SETD5: variants seen among roughly 807,000 people sequenced by gnomAD.
SETD5 encodes histone-lysine N-methyltransferase SETD5.
A neutral mutation model predicts 153.3 loss-of-function variants in SETD5; 44 were observed. The ratio of observed to expected loss-of-function variants is 0.29; its 90% CI spans 0.23 to 0.37. The LOEUF is 0.37. SETD5 is among the 10% of genes least tolerant of loss of function. The pLI, the probability that SETD5 is intolerant of heterozygous loss-of-function variation, is 1.00. For missense variants in SETD5, 1,544 were observed against 1,768.0 expected (o/e 0.87, Z 2.27); for synonymous variants, 716 against 645.2 (o/e 1.11, Z -1.66).
intron 3 of SETD5, chr3:9,430,047 G>A: frequency 1.8e-6 from 2 of 1,094,840 alleles, no homozygotes; most frequent in Non-Finnish European, 2.3e-6. Context: ...CACTTCTTGA[G>A]TGAGGTGGGT....
rs1490676196 is a variant in SETD5 at position 9,453,785 on chromosome 3, C to T, written c.2393C>T (p.Ser798Phe). ...GAAGAAGGGATGACTCAAACATCAT[C>T]TGTACCCCAAGAGACTAGAACTCAG... ...ALEEGMTQTS[S>F]VPQETRTQHL... The change falls in exon 17 of 23, where the codon TCT (serine) becomes TTT (phenylalanine). Residue 798 changes from serine to phenylalanine, a missense_variant. By Grantham distance (155) the Ser-to-Phe change is radical (BLOSUM62 -2). This residue lies in a region of SETD5 where 782 missense variants were observed against 787.2 expected (regional missense o/e 0.99). Coordinates refer to ENST00000402198, the MANE Select transcript of SETD5 (RefSeq NM_001080517.3). The T allele has an allele frequency of 1.2e-6, 2 of 1,608,610 alleles. No homozygotes were observed. The highest frequency in any genetic ancestry group is 8.5e-7 in the Non-Finnish European group (1 of 1,178,532).
intron 19 of SETD5, among the ~76,000 whole-genome samples, chr3:9,472,458 GC>G (rs1303239789): frequency 6.6e-6 from 1 of 152,138 alleles, no homozygotes; most frequent in Admixed American, 6.5e-5. Context: ...GAAAGAATGA[GC>G]AAGCATTAGG....
intron 17 of SETD5, among the ~76,000 whole-genome samples, chr3:9,458,288 A>C (rs2043508372): frequency 6.6e-6 from 1 of 152,082 alleles, no homozygotes; most frequent in African/African-American, 2.4e-5. Context: ...TGCCAAAGAA[A>C]ATTCTAGGCA....
intron 1 of SETD5, among the ~76,000 whole-genome samples, chr3:9,402,409 A>G (rs2034931614): frequency 6.6e-6 from 1 of 152,108 alleles, no homozygotes; most frequent in African/African-American, 2.4e-5. Flanking sequence ...CATCATATTG[A>G]TTTTGTTTGC....
chr3:9,447,237 T>C lies in SETD5; in HGVS notation c.1712T>C (p.Val571Ala), dbSNP rs766505970. 8 of 1,613,908 alleles carry C rather than the reference T, an allele frequency of 5.0e-6. No individual in the cohort carries two copies. The Admixed American group carries it at 1.3e-4, about 27-fold the overall frequency. ...EAPESEVSNS[V>A]SNVTIPSTPQ... ...CCTGAATCTGAAGTTAGCAACTCTG[T>C]TTCAAATGTTACCATCCCAAGCACC... Residue 571 changes from valine (V) to alanine (A), a missense_variant, in exon 14 of 23, where the codon GTT becomes GCT. This residue lies in a region of SETD5 where 782 missense variants were observed against 787.2 expected (regional missense o/e 0.99). Transcript: ENST00000402198.
chr3:9,460,682 A>T (rs945222385), intron 17 of SETD5, among the ~76,000 whole-genome samples: 1 of 152,170 alleles, frequency 6.6e-6, no homozygotes, highest in Non-Finnish European at 1.5e-5. Context: ...TTTCAAATTA[A>T]TAGGGAAATT....
intron 11 of SETD5, among the ~76,000 whole-genome samples, chr3:9,444,477 A>C (rs1452106985): frequency 6.6e-6 from 1 of 152,186 alleles, no homozygotes. Context: ...TTTATCATTG[A>C]TAAACTGCCT....
intron 16 of SETD5, among the ~76,000 whole-genome samples, chr3:9,452,151 T>A (rs1177904606): frequency 6.6e-6 from 1 of 152,226 alleles, no homozygotes; most frequent in Non-Finnish European, 1.5e-5. Context: ...TCTGATTTTA[T>A]GTTCCCTTTT....
intron 2 of SETD5, among the ~76,000 whole-genome samples, chr3:9,428,083 T>C (rs1218065210): frequency 2.0e-5 from 3 of 152,100 alleles, no homozygotes; most frequent in Non-Finnish European, 4.4e-5. Flanking sequence ...CAGTTTTAGG[T>C]TCACAGGAAA....
At chr3:9,454,758 G>A (rs892649638) in intron 17 of SETD5, among the ~76,000 whole-genome samples, 8 of 151,358 alleles carry the variant, frequency 5.3e-5, no homozygotes, top group African/African-American at 1.9e-4. Context: ...TGCAAAGGAT[G>A]TAATTGAAAG....
chr3:9,416,348 T>C (rs1475230270), intron 1 of SETD5, among the ~76,000 whole-genome samples: 1 of 152,202 alleles, frequency 6.6e-6, no homozygotes, highest in Non-Finnish European at 1.5e-5. Context: ...GTCTGCCTGC[T>C]TTGGGGTGTT....
chr3:9,475,939 A>G lies in SETD5; in HGVS notation c.4177A>G (p.Ser1393Gly). 1.2e-6 allele frequency: 2 copies of G among 1,613,990 alleles called. No homozygotes were observed. The highest frequency in any genetic ancestry group is 1.3e-5 in the African/African-American group (1 of 75,028). ...PSDLRTISLPSAGQSAVYQAS... is the reference protein window; with the variant it reads ...PSDLRTISLPGAGQSAVYQAS... The stretch of plus-strand genomic sequence containing the variant: ...AGACTTACGGACTATCAGTCTGCCC[A>G]GTGCTGGGCAGTCAGCTGTCTACCA... The change falls in exon 23 of 23, where the codon AGT becomes GGT. Residue 1393 changes from serine to glycine, a missense_variant. Around this residue, in one of 9 missense-constraint regions of SETD5, gnomAD observed 302 missense variants for 277.6 expected, o/e 1.09. Transcript: ENST00000402198.
chr3:9,420,359 GTT>G (rs533416624), intron 1 of SETD5, among the ~76,000 whole-genome samples: 114 of 152,182 alleles, frequency 7.5e-4, no homozygotes, highest in African/African-American at 2.6e-3. Flanking sequence ...TAATTATGAA[GTT>G]TTTTACGGAG....
Position 9,447,988 on chromosome 3 carries a change from A to G in SETD5, c.2085A>G (p.Lys695=). The change falls in exon 15 of 23, where the codon AAA becomes AAG. Residue 695 remains lysine, a synonymous_variant. Transcript: ENST00000402198. ...CCCATGTCAACCGTGCTGCATCTAA[A>G]TACCCCAAAACCAAAAAGGTAAGTC... The part of the protein sequence containing the change: ...TGSHVNRAAS[K]YPKTKKYLVT... 1.2e-6 allele frequency: 2 copies of G among 1,612,852 alleles called. No individual in the cohort carries two copies. Among genetic ancestry groups the G allele is most frequent in the East Asian group, 2.2e-5 (1 of 44,842 alleles).
intron 3 of SETD5, among the ~76,000 whole-genome samples, chr3:9,432,531 C>T (rs1014020856): frequency 6.6e-6 from 1 of 152,160 alleles, no homozygotes; most frequent in African/African-American, 2.4e-5. Context: ...TTATACCAAT[C>T]ATCGGAGTTT....
In SETD5 at chr3:9,447,941, A is replaced by G. The variant is rs2042203034; in HGVS notation, c.2038A>G (p.Thr680Ala). ...ENRPLTGSDPTVVSITGSHVN... is the reference protein window; with the variant it reads ...ENRPLTGSDPAVVSITGSHVN... ...CAGGCCATTAACAGGGTCTGACCCA[A>G]CTGTGGTGTCAATTACTGGATCCCA... The change falls in exon 15 of 23, where the codon ACT becomes GCT. Residue 680 changes from threonine (T) to alanine (A), a missense_variant. Physicochemically the swap from Thr to Ala is moderately conservative, Grantham distance 58. Around this residue, in one of 9 missense-constraint regions of SETD5, gnomAD observed 782 missense variants for 787.2 expected, o/e 0.99. Transcript: ENST00000402198. 8.7e-6 allele frequency: 14 copies of G among 1,613,976 alleles called. No homozygotes were observed. The highest frequency in any genetic ancestry group is 1.1e-5 in the Non-Finnish European group (13 of 1,179,866).
At position 9,470,591 on chromosome 3, in the gene SETD5, A is replaced by G; in HGVS notation, c.2857A>G (p.Thr953Ala). ...GGCTCCTCATCCCTCCCTCGGACCCACTTCTGAGACTGGTTTCCCAAGCAG... is the reference window on the plus strand; with the variant it reads ...GGCTCCTCATCCCTCCCTCGGACCCGCTTCTGAGACTGGTTTCCCAAGCAG... ...DLAPHPSLGPTSETGFPSRSG... is the reference protein window; with the variant it reads ...DLAPHPSLGPASETGFPSRSG... Residue 953 changes from threonine to alanine, a missense_variant, in exon 19 of 23, where the codon ACT (threonine) becomes GCT (alanine). By Grantham distance (58) the Thr-to-Ala change is moderately conservative. Transcript: ENST00000402198. The G allele has an allele frequency of 6.2e-7, 1 of 1,613,808 alleles. No homozygotes were observed. The highest frequency in any genetic ancestry group is 8.5e-7 in the Non-Finnish European group (1 of 1,179,842).
rs1553624304 is a variant in SETD5, at chr3:9,445,988, T to TA, written c.1524+249dup. Among the ~76,000 whole-genome samples the TA allele has an allele frequency of 3.0e-3, 442 of 145,660 alleles. 2 individuals are homozygous for TA. The highest frequency in any genetic ancestry group is 0.014 in the Middle Eastern group (4 of 284). On this transcript the variant is annotated intron_variant, in intron 13 of 22. Coordinates refer to ENST00000402198, the MANE Select transcript of SETD5 (RefSeq NM_001080517.3). ...TTGTTTTTTTTTTTTTTTTTTTTTT[T>TA]ACTAACAATCTGGTTTCCGCTGGGC...
intron 1 of SETD5, among the ~76,000 whole-genome samples, chr3:9,415,614 C>T (rs1334365561): frequency 1.1e-4 from 16 of 152,112 alleles, no homozygotes; most frequent in Admixed American, 1.0e-3. Context: ...ACAGGATCTC[C>T]TTGTCACCCA....
Sources: allele counts gnomAD v4.1 joint callset (sites outside exome capture counted in the v4.1 genomes callset), GRCh38; gene constraint gnomAD v4.1.1; regional missense constraint gnomAD v4.1.1; transcripts MANE v1.5; gene names NCBI Gene and HGNC (gene_info 2026-07-23, HGNC 2026-07-21).